GK5: variants seen among roughly 807,000 people sequenced by gnomAD.
The protein encoded by GK5 is ATP:glycerol 3-phosphotransferase 5.
In GK5, 39 loss-of-function variants were observed where a neutral mutation model predicts 77.3. The observed-to-expected ratio is 0.50, with a 90% CI of 0.39 to 0.66. GK5 has a LOEUF of 0.66. Among genes scored for constraint, GK5 ranks in the 30% least tolerant of loss-of-function variants. GK5 has a pLI of 0.00. For synonymous variants in GK5, 211 were observed against 208.0 expected (o/e 1.01, Z -0.13); for missense variants, 487 against 633.8 (o/e 0.77, Z 2.49).
At chr3:142,180,520 T>C (rs922205476) in intron 11 of GK5, among the ~76,000 whole-genome samples, 10 of 152,202 alleles carry the variant, frequency 6.6e-5, no homozygotes, top group African/African-American at 2.2e-4. Flanking sequence ...CAGGCTGATC[T>C]CGAACTCCCA....
At chr3:142,166,451 T>G (rs1290291070) in intron 15 of GK5, among the ~76,000 whole-genome samples, 1 of 152,258 alleles carries the variant, frequency 6.6e-6, no homozygotes, top group Non-Finnish European at 1.5e-5. Flanking sequence ...ATAATTTATT[T>G]AAATTCCAGT....
rs2063399720 is a variant in GK5, at chr3:142,158,480, G to A, written c.*7142C>T. 1 of 152,530 alleles carries A rather than the reference G, an allele frequency of 6.6e-6. No homozygotes were observed. The highest frequency in any genetic ancestry group is 2.1e-4 in the South Asian group (1 of 4,830). 9.4% of individuals were successfully genotyped at this position (152,530 alleles called of 1,614,324 possible). On this transcript the variant is annotated 3_prime_UTR_variant, in exon 16 of 16. Transcript: ENST00000392993. ...AATCTAAAAGTAGACAAAAAGGGAA[G>A]GGAAAAATTCATATGCAGATGAAAA... is the stretch of plus-strand genomic sequence containing the variant.
intron 1 of GK5, among the ~76,000 whole-genome samples, chr3:142,221,319 C>T (rs1173337056): frequency 2.0e-5 from 3 of 152,164 alleles, no homozygotes; most frequent in Non-Finnish European, 4.4e-5. Flanking sequence ...AGTTTAACTA[C>T]AAGAAACACT....
chr3:142,182,112 G>GT (rs565354537), intron 10 of GK5, among the ~76,000 whole-genome samples: 12 of 152,112 alleles, frequency 7.9e-5, no homozygotes, highest in Non-Finnish European at 1.8e-4. Context: ...TAGGAAAAAG[G>GT]TTTTTTAAGC....
At chr3:142,197,838 C>T (rs1370285319) in intron 5 of GK5, among the ~76,000 whole-genome samples, 1 of 151,944 alleles carries the variant, frequency 6.6e-6, no homozygotes, top group African/African-American at 2.4e-5. Flanking sequence ...GCCTGGACAA[C>T]ATGGTGAAAC....
intron 3 of GK5, among the ~76,000 whole-genome samples, chr3:142,210,682 G>T (rs900858614): frequency 2.0e-5 from 3 of 152,216 alleles, no homozygotes; most frequent in Non-Finnish European, 2.9e-5. Context: ...GCTTTAGGAA[G>T]AAGTCTTATC....
At chr3:142,185,051 A>C in intron 9 of GK5, 2 of 985,416 alleles carry the variant, frequency 2.0e-6, no homozygotes, top group Non-Finnish European at 2.4e-6. Context: ...CACATCTTGC[A>C]ACAGGTGGTC....
At chr3:142,184,259 T>TA (rs2063736196) in intron 9 of GK5, among the ~76,000 whole-genome samples, 1 of 8,616 alleles carries the variant, frequency 1.2e-4, no homozygotes, top group Non-Finnish European at 1.6e-4. Context: ...AGACTCTGTC[T>TA]CAAAAAAAAA....
At chr3:142,172,070 C>T (rs1310970079) in intron 13 of GK5, among the ~76,000 whole-genome samples, 1 of 151,842 alleles carries the variant, frequency 6.6e-6, no homozygotes, top group African/African-American at 2.4e-5. Context: ...TTTGAAAATC[C>T]AAATTTTGAA....
In GK5 at chr3:142,160,155, CT is replaced by C. The variant is rs2063415459; in HGVS notation, c.*5466del. ...GAGCCACTACACCTGGCCTTTTTCTCTCTTTTTTTAAATTGAGATGGGTGGG... is the reference window on the plus strand; with the variant it reads ...GAGCCACTACACCTGGCCTTTTTCTCCTTTTTTTAAATTGAGATGGGTGGG... On this transcript the variant is annotated 3_prime_UTR_variant, in exon 16 of 16. Coordinates refer to ENST00000392993, the MANE Select transcript of GK5 (RefSeq NM_001039547.3). 6.6e-6 allele frequency: 1 copy of C among 152,154 alleles called. No homozygotes were observed. Among genetic ancestry groups the C allele is most frequent in the Non-Finnish European group, 1.5e-5 (1 of 68,184 alleles). 9.4% of individuals were successfully genotyped at this position (152,154 alleles called of 1,614,324 possible).
At chr3:142,181,259 T>C (rs1029477164) in intron 11 of GK5, among the ~76,000 whole-genome samples, 2 of 152,252 alleles carry the variant, frequency 1.3e-5, no homozygotes, top group African/African-American at 4.8e-5. Context: ...TATTATTCTT[T>C]TTCTTTATGG....
At position 142,211,492 on chromosome 3, in the gene GK5, T is replaced by C. The variant is rs149189589; in HGVS notation, c.317+2034A>G. Among the ~76,000 whole-genome samples the C allele has an allele frequency of 1.1e-3, 161 of 152,132 alleles. 1 individual carries two copies. The highest frequency in any genetic ancestry group is 6.8e-3 in the Middle Eastern group (2 of 294). On this transcript the variant is annotated intron_variant, in intron 3 of 15. Coordinates refer to ENST00000392993, the MANE Select transcript of GK5 (RefSeq NM_001039547.3). ...CATCAATCTGAGATGCAGCATGTCC[T>C]GAAAAAAAAGAGTACTGGGCCGAGC...
rs1374848476 is a variant in GK5, at chr3:142,159,261, T to A, written c.*6361A>T. 2.6e-5 allele frequency: 4 copies of A among 152,164 alleles called. No homozygotes were observed. Among genetic ancestry groups the A allele is most frequent in the Non-Finnish European group, 5.9e-5 (4 of 68,030 alleles). 9.4% of individuals were successfully genotyped at this position (152,164 alleles called of 1,614,324 possible). ...CAGAGAAACTGGATCACTCATACATTCCTGGTGGGAATGTAAGATGGTATA... is the reference window on the plus strand; with the variant it reads ...CAGAGAAACTGGATCACTCATACATACCTGGTGGGAATGTAAGATGGTATA... On this transcript the variant is annotated 3_prime_UTR_variant, in exon 16 of 16. Transcript: ENST00000392993.
At chr3:142,192,843 GA>G (rs2107783336) in intron 5 of GK5, among the ~76,000 whole-genome samples, 1 of 151,874 alleles carries the variant, frequency 6.6e-6, no homozygotes, top group Admixed American at 6.6e-5. Context: ...AAAAAGAAAT[GA>G]GCTAACAAGG....
At chr3:142,174,372 T>C (rs2063579833) in intron 12 of GK5, among the ~76,000 whole-genome samples, 1 of 152,200 alleles carries the variant, frequency 6.6e-6, no homozygotes, top group Non-Finnish European at 1.5e-5. Flanking sequence ...AGTAAAAACG[T>C]ATATAGTAAA....
At chr3:142,195,185 A>T (rs2063916539) in intron 5 of GK5, among the ~76,000 whole-genome samples, 1 of 151,898 alleles carries the variant, frequency 6.6e-6, no homozygotes, top group Non-Finnish European at 1.5e-5. Flanking sequence ...ATTTTTTTAC[A>T]TTTACCAGTT....
In GK5 at chr3:142,168,143, A is replaced by C. The variant is rs115694641; in HGVS notation, c.1441+2182T>G. ...AAAAGTGTAGAAGAATTTGATTAACATAAGTATAAAAATGCTTATGAGACC... is the reference window on the plus strand; with the variant it reads ...AAAAGTGTAGAAGAATTTGATTAACCTAAGTATAAAAATGCTTATGAGACC... On this transcript the variant is annotated intron_variant, in intron 15 of 15. Coordinates refer to ENST00000392993, the MANE Select transcript of GK5 (RefSeq NM_001039547.3). 7.8e-3 allele frequency among the ~76,000 whole-genome samples: 1,181 copies of C among 152,372 alleles called. 19 individuals are homozygous for C. Among genetic ancestry groups the C allele is most frequent in the African/African-American group, 0.027 (1,108 of 41,590 alleles).
chr3:142,194,736 C>T (rs1362482556), intron 5 of GK5, among the ~76,000 whole-genome samples: 2 of 151,288 alleles, frequency 1.3e-5, no homozygotes, highest in Non-Finnish European at 2.9e-5. Flanking sequence ...TCCCACCTTA[C>T]TAAACTCATT....
intron 1 of GK5, among the ~76,000 whole-genome samples, chr3:142,224,374 G>A (rs949930224): frequency 2.0e-5 from 3 of 152,132 alleles, no homozygotes; most frequent in East Asian, 1.9e-4. Flanking sequence ...TCACAGCACT[G>A]CACTCCAGCC....
Sources: allele counts gnomAD v4.1 joint callset (sites outside exome capture counted in the v4.1 genomes callset), GRCh38; gene constraint gnomAD v4.1.1; transcripts MANE v1.5; gene names NCBI Gene and HGNC (gene_info 2026-07-23, HGNC 2026-07-21).